CNTNAP2: variants seen among roughly 807,000 people sequenced by gnomAD.
The protein encoded by CNTNAP2 is contactin-associated protein-like 2.
Under a neutral mutation model 155.2 loss-of-function variants are expected in CNTNAP2, and 98 were observed. The ratio of observed to expected loss-of-function variants is 0.63; its 90% confidence interval spans 0.54 to 0.75. The LOEUF is 0.75. CNTNAP2 is among the 30% of genes least tolerant of loss of function. CNTNAP2 has a pLI of 0.00. For missense variants in CNTNAP2, 1,727 were observed against 1,688.1 expected, an observed-to-expected ratio of 1.02 and a Z score of -0.40; for synonymous variants, 651 against 631.2, an observed-to-expected ratio of 1.03 and a Z score of -0.47.
At chr7:148,204,532 A>T (rs1562993817) in intron 18 of CNTNAP2, among the ~76,000 whole-genome samples, 2 of 152,228 alleles carry the variant, frequency 1.3e-5, no homozygotes, top group African/African-American at 4.8e-5. Flanking sequence ...AAATCATTCT[A>T]TTGTTAACAA....
chr7:146,805,195 T>C (rs1802945764), intron 2 of CNTNAP2, among the ~76,000 whole-genome samples: 1 of 152,048 alleles, frequency 6.6e-6, no homozygotes, highest in Admixed American at 6.6e-5. Flanking sequence ...AGAGAGACCA[T>C]ATGGCCACTG....
At chr7:146,994,027 C>A (rs559437773) in intron 3 of CNTNAP2, among the ~76,000 whole-genome samples, 5 of 152,176 alleles carry the variant, frequency 3.3e-5, no homozygotes, top group Admixed American at 2.0e-4. Flanking sequence ...TCAGGAGTTG[C>A]ATTTTAGGCA....
At chr7:147,852,880 T>C (rs1470678143) in intron 13 of CNTNAP2, among the ~76,000 whole-genome samples, 4 of 152,236 alleles carry the variant, frequency 2.6e-5, no homozygotes, top group Non-Finnish European at 4.4e-5. Context: ...ATGGATCTGC[T>C]GCTGTCATCC....
chr7:148,413,896 CAT>C lies in CNTNAP2; in HGVS notation c.3797-1518_3797-1517del, dbSNP rs573377081. ...TATTCCAGCTTATGATTATTGTTTG[CAT>C]ATCTTTTCCCACCCTTTTACTGTTG... On this transcript the variant is annotated intron_variant, in intron 23 of 23. Transcript: ENST00000361727. Among the ~76,000 whole-genome samples the C allele has an allele frequency of 4.6e-5, 7 of 152,172 alleles. No individual in the cohort carries two copies. The East Asian group carries it at 1.4e-3, about 29-fold the overall frequency.
At chr7:147,077,019 A>C (rs747304623) in intron 4 of CNTNAP2, among the ~76,000 whole-genome samples, 28 of 152,260 alleles carry the variant, frequency 1.8e-4, no homozygotes, top group Admixed American at 7.9e-4. Context: ...GTTTCCTCCC[A>C]CAGATACTAT....
intron 14 of CNTNAP2, among the ~76,000 whole-genome samples, chr7:147,959,642 G>A (rs1801082236): frequency 6.6e-6 from 1 of 152,138 alleles, no homozygotes; most frequent in Non-Finnish European, 1.5e-5. Flanking sequence ...AGCAGCTTAT[G>A]CAGACATTTC....
intron 19 of CNTNAP2, among the ~76,000 whole-genome samples, chr7:148,226,477 G>A (rs150311415): frequency 2.6e-5 from 4 of 152,230 alleles, no homozygotes; most frequent in African/African-American, 4.8e-5. Flanking sequence ...AGGAACGACC[G>A]TCTCCCAATA....
chr7:146,322,077 A>G (rs1009724766), intron 1 of CNTNAP2, among the ~76,000 whole-genome samples: 2 of 152,152 alleles, frequency 1.3e-5, no homozygotes, highest in African/African-American at 2.4e-5. Flanking sequence ...ATTCATAGGG[A>G]AAACCATGCT....
At chr7:146,595,821 C>T (rs778393035) in intron 1 of CNTNAP2, among the ~76,000 whole-genome samples, 8 of 151,974 alleles carry the variant, frequency 5.3e-5, no homozygotes, top group Non-Finnish European at 7.4e-5. Context: ...AGCTAGGGCT[C>T]GAACCTGGTT....
chr7:147,510,762 A>G (rs1439351062), intron 11 of CNTNAP2, among the ~76,000 whole-genome samples: 1 of 149,356 alleles, frequency 6.7e-6, no homozygotes, highest in Admixed American at 6.7e-5. Context: ...TATATGACAA[A>G]TATTGCTTGG....
chr7:148,011,883 C>G (rs1417768402), intron 15 of CNTNAP2, among the ~76,000 whole-genome samples: 1 of 152,172 alleles, frequency 6.6e-6, no homozygotes, highest in Non-Finnish European at 1.5e-5. Context: ...CTAGAACATC[C>G]TATCATTGAA....
At chr7:147,134,081 C>G (rs1237464054) in intron 8 of CNTNAP2, among the ~76,000 whole-genome samples, 2 of 151,968 alleles carry the variant, frequency 1.3e-5, no homozygotes, top group Admixed American at 1.3e-4. Flanking sequence ...TGCCTAATGA[C>G]TAAACATAAA....
chr7:148,262,868 C>G (rs1017311330), intron 20 of CNTNAP2, among the ~76,000 whole-genome samples: 1 of 152,172 alleles, frequency 6.6e-6, no homozygotes, highest in Non-Finnish European at 1.5e-5. Flanking sequence ...GAGCCCTGAT[C>G]CGATGCTGCT....
chr7:146,191,471 A>G (rs1044840008), intron 1 of CNTNAP2, among the ~76,000 whole-genome samples: 1 of 152,188 alleles, frequency 6.6e-6, no homozygotes, highest in African/African-American at 2.4e-5. Context: ...CATTGATAAC[A>G]TCTTATCAGG....
rs149690053 is a variant in CNTNAP2, at chr7:147,610,610, G to A, written c.1898-28496G>A. Among the ~76,000 whole-genome samples the A allele has an allele frequency of 1.7e-3, 257 of 152,224 alleles. 1 individual carries two copies. The highest frequency in any genetic ancestry group is 5.8e-3 in the African/African-American group (241 of 41,544). ...CAGTTGGGTGGGCCTCAGTGAGGAC[G>A]TGCCCTGTGAATAGAGGCCAAACAG... On this transcript the variant is annotated intron_variant, in intron 12 of 23. Coordinates refer to ENST00000361727, the MANE Select transcript of CNTNAP2 (RefSeq NM_014141.6).
At chr7:146,552,611 C>T (rs1798138624) in intron 1 of CNTNAP2, among the ~76,000 whole-genome samples, 1 of 151,934 alleles carries the variant, frequency 6.6e-6, no homozygotes, top group Non-Finnish European at 1.5e-5. Context: ...AACGACTTTC[C>T]TTCTTTCTTT....
chr7:147,608,966 T>C (rs1801127848), intron 12 of CNTNAP2, among the ~76,000 whole-genome samples: 1 of 152,096 alleles, frequency 6.6e-6, no homozygotes, highest in African/African-American at 2.4e-5. Context: ...TTTCACAAGG[T>C]AATGGCATCG....
intron 13 of CNTNAP2, among the ~76,000 whole-genome samples, chr7:147,785,136 T>C (rs918210169): frequency 6.6e-6 from 1 of 152,112 alleles, no homozygotes; most frequent in African/African-American, 2.4e-5. Flanking sequence ...TGATGAGACA[T>C]AAATTTTGAG....
chr7:146,389,796 G>C (rs927185494), intron 1 of CNTNAP2, among the ~76,000 whole-genome samples: 4 of 150,870 alleles, frequency 2.7e-5, no homozygotes, highest in African/African-American at 9.7e-5. Flanking sequence ...TGCCTTCCGG[G>C]TTCTAGCAGT....
Sources: allele counts gnomAD v4.1 joint callset (sites outside exome capture counted in the v4.1 genomes callset), GRCh38; gene constraint gnomAD v4.1.1; transcripts MANE v1.5; gene names NCBI Gene and HGNC (gene_info 2026-07-23, HGNC 2026-07-21).